The following IMMP2L variants were observed in gnomAD, a reference collection of about 807,000 sequenced individuals.
IMMP2L encodes mitochondrial inner membrane protease subunit 2.
In IMMP2L, 18 loss-of-function variants were observed where a neutral mutation model predicts 19.3. The ratio of observed to expected loss-of-function variants is 0.93; its 90% CI spans 0.64 to 1.38. The LOEUF is 1.38. Among genes scored for constraint, IMMP2L ranks in the 40% most tolerant of loss-of-function variants. The pLI is 0.00. For missense variants in IMMP2L, 233 were observed against 218.2 expected (o/e 1.07, Z -0.43); for synonymous variants, 76 against 73.0 (o/e 1.04, Z -0.21).
At chr7:111,365,583 C>T (rs1399837935) in intron 3 of IMMP2L, among the ~76,000 whole-genome samples, 2 of 152,098 alleles carry the variant, frequency 1.3e-5, no homozygotes, top group Admixed American at 6.6e-5. Context: ...AAACTCAATA[C>T]ATAACCAAAG....
chr7:110,976,895 A>T (rs2129557411), intron 3 of IMMP2L, among the ~76,000 whole-genome samples: 1 of 152,148 alleles, frequency 6.6e-6, no homozygotes, highest in African/African-American at 2.4e-5. Context: ...CATGTACAAA[A>T]ATCTAAAATT....
chr7:111,123,879 C>T lies in IMMP2L; in HGVS notation c.240-160314G>A. The T allele has an allele frequency of 6.2e-7, 1 of 1,613,988 alleles. No individual in the cohort carries two copies. The highest frequency in any genetic ancestry group is 2.2e-5 in the East Asian group (1 of 44,848). ...AGGAAATCAGCATACACAGTAACCC[C>T]ATCAGGTGTGACTGTGTCATCCGTT... On this transcript the variant is annotated intron_variant, in intron 3 of 5. Coordinates refer to ENST00000405709, the MANE Select transcript of IMMP2L (RefSeq NM_032549.4). The surrounding 1 kb of genome is among the most constrained non-coding windows in gnomAD (Gnocchi z 6.4).
At chr7:110,669,024 AGTATGT>A (rs1303650480) in intron 5 of IMMP2L, among the ~76,000 whole-genome samples, 1 of 22,634 alleles carries the variant, frequency 4.4e-5, no homozygotes, top group Non-Finnish European at 4.0e-4. Context: ...CTGAACCAAC[AGTATGT>A]GTGTGTGTGT....
At chr7:110,849,829 T>C (rs1806018743) in intron 5 of IMMP2L, among the ~76,000 whole-genome samples, 2 of 152,210 alleles carry the variant, frequency 1.3e-5, no homozygotes, top group African/African-American at 4.8e-5. Flanking sequence ...ATCAGAAAGG[T>C]AGAAAAGATT....
Position 111,373,402 on chromosome 7 carries a change from T to C in IMMP2L, c.239+113836A>G, listed in dbSNP as rs765604923. The stretch of plus-strand genomic sequence containing the variant: ...CAGCAAATGTCACACAGTAAATACA[T>C]TGAAATTGAGAAAAAACACTGAATA... On this transcript the variant is annotated intron_variant, in intron 3 of 5. Coordinates refer to ENST00000405709, the MANE Select transcript of IMMP2L (RefSeq NM_032549.4). 1.6e-4 allele frequency among the ~76,000 whole-genome samples: 25 copies of C among 151,956 alleles called. 1 individual carries two copies. Among genetic ancestry groups the C allele is most frequent in the Admixed American group, 5.3e-4 (8 of 15,190 alleles).
At chr7:110,679,059 C>T (rs920216655) in intron 5 of IMMP2L, among the ~76,000 whole-genome samples, 1 of 152,102 alleles carries the variant, frequency 6.6e-6, no homozygotes, top group Non-Finnish European at 1.5e-5. Context: ...CACTCCATAG[C>T]CTCTTCATGC....
At chr7:111,177,339 A>C (rs984357556) in intron 3 of IMMP2L, among the ~76,000 whole-genome samples, 1 of 151,942 alleles carries the variant, frequency 6.6e-6, no homozygotes, top group African/African-American at 2.4e-5. Context: ...ACTACATGCC[A>C]GCTAATTTTT....
intron 5 of IMMP2L, among the ~76,000 whole-genome samples, chr7:110,804,365 G>A (rs1367695843): frequency 1.3e-5 from 2 of 152,036 alleles, no homozygotes; most frequent in Non-Finnish European, 2.9e-5. Flanking sequence ...ACTTTTGGCT[G>A]TAGGTTGTTC....
chr7:111,175,341 A>T (rs1254092791), intron 3 of IMMP2L, among the ~76,000 whole-genome samples: 1 of 151,882 alleles, frequency 6.6e-6, no homozygotes, highest in Non-Finnish European at 1.5e-5. Flanking sequence ...CTGAAGTTCA[A>T]TGAGACTGTC....
At chr7:111,195,808 TTTA>T (rs1324456528) in intron 3 of IMMP2L, among the ~76,000 whole-genome samples, 1 of 206 alleles carries the variant, frequency 4.9e-3, no homozygotes, top group Admixed American at 0.05. Context: ...AAATTTAATT[TTTA>T]TTGTTTATTT....
chr7:110,994,137 T>G (rs1375522219), intron 3 of IMMP2L, among the ~76,000 whole-genome samples: 1 of 149,106 alleles, frequency 6.7e-6, no homozygotes, highest in Non-Finnish European at 1.5e-5. Context: ...CTCTCTCTTT[T>G]TTTTTTCTTT....
At chr7:111,235,503 C>A (rs1351444620) in intron 3 of IMMP2L, among the ~76,000 whole-genome samples, 1 of 151,396 alleles carries the variant, frequency 6.6e-6, no homozygotes, top group African/African-American at 2.4e-5. Context: ...TTGATAATTT[C>A]TCTCTTTCTA....
At chr7:111,234,488 A>G (rs1196654942) in intron 3 of IMMP2L, among the ~76,000 whole-genome samples, 1 of 152,126 alleles carries the variant, frequency 6.6e-6, no homozygotes, top group Admixed American at 6.6e-5. Context: ...AGGTACATAA[A>G]TGCTGGGTTT....
intron 5 of IMMP2L, among the ~76,000 whole-genome samples, chr7:110,741,091 A>T (rs1193888489): frequency 1.3e-5 from 2 of 152,206 alleles, no homozygotes; most frequent in Non-Finnish European, 2.9e-5. Context: ...AGTCCAGATG[A>T]CCATCAATCA....
At chr7:110,874,591 T>TA (rs930493374) in intron 5 of IMMP2L, among the ~76,000 whole-genome samples, 37 of 152,112 alleles carry the variant, frequency 2.4e-4, no homozygotes, top group African/African-American at 8.7e-4. Flanking sequence ...TTCTTCCATC[T>TA]AAAAAAATAC....
intron 4 of IMMP2L, among the ~76,000 whole-genome samples, chr7:110,941,027 C>T (rs1816684142): frequency 6.6e-6 from 1 of 152,124 alleles, no homozygotes. Flanking sequence ...GAAATCACTA[C>T]TATTGAGAGT....
intron 3 of IMMP2L, among the ~76,000 whole-genome samples, chr7:111,332,050 T>C (rs577721578): frequency 1.3e-5 from 2 of 151,834 alleles, no homozygotes; most frequent in Non-Finnish European, 2.9e-5. Flanking sequence ...GTAGAAATAA[T>C]GCCACAAAAA....
At chr7:111,475,440 A>G (rs1841633363) in intron 3 of IMMP2L, among the ~76,000 whole-genome samples, 1 of 152,078 alleles carries the variant, frequency 6.6e-6, no homozygotes, top group Non-Finnish European at 1.5e-5. Flanking sequence ...AAGAAAAATG[A>G]AAGGTATCTA....
At chr7:110,682,297 T>C (rs1562912910) in intron 5 of IMMP2L, among the ~76,000 whole-genome samples, 1 of 152,182 alleles carries the variant, frequency 6.6e-6, no homozygotes, top group East Asian at 1.9e-4. Context: ...AAGGCTTCCA[T>C]GACCTCTTCC....
Sources: allele counts gnomAD v4.1 joint callset (sites outside exome capture counted in the v4.1 genomes callset), GRCh38; gene constraint gnomAD v4.1.1; non-coding constraint Gnocchi (gnomAD v3.1); transcripts MANE v1.5; gene names NCBI Gene and HGNC (gene_info 2026-07-23, HGNC 2026-07-21).